Variants in FCSK observed in about 807,000 individuals in gnomAD.
FCSK encodes L-fucose kinase.
A neutral mutation model predicts 122.5 loss-of-function variants in FCSK; 123 were observed. The observed-to-expected ratio is 1.00, with a 90% CI of 0.87 to 1.17. The LOEUF (loss-of-function observed/expected upper bound fraction) is 1.17, where lower values mean the gene tolerates loss of function less well. Among genes scored for constraint, FCSK ranks in the 50% most tolerant of loss-of-function variants. FCSK has a pLI of 0.00. For missense variants in FCSK, 1,366 were observed against 1,450.4 expected, an observed-to-expected ratio of 0.94 and a Z score of 0.95; for synonymous variants, 620 against 625.5, an observed-to-expected ratio of 0.99 and a Z score of 0.13.
intron 1 of FCSK, among the ~76,000 whole-genome samples, chr16:70,457,682 C>T (rs893268275): frequency 6.6e-6 from 1 of 152,032 alleles, no homozygotes; most frequent in African/African-American, 2.4e-5. Context: ...TGAAACAATG[C>T]TTCCGCCTCA....
chr16:70,455,400 G>C (rs774362287), intron 1 of FCSK, among the ~76,000 whole-genome samples: 1 of 150,122 alleles, frequency 6.7e-6, no homozygotes, highest in Non-Finnish European at 1.5e-5. Context: ...CGAGGGAATC[G>C]CTTGAACTCA....
Position 70,473,138 on chromosome 16 carries a change from C to T in FCSK, c.1562C>T (p.Ala521Val), listed in dbSNP as rs1168503640. 6.4e-7 allele frequency: 1 copy of T among 1,560,516 alleles called. No homozygotes were observed. The highest frequency in any genetic ancestry group is 8.7e-7 in the Non-Finnish European group (1 of 1,154,822). ...GAGGATGGGGGCGAGGCCCTGCGAGCCTGGCGGGCCTCCTGGCGCCTGTCC... is the reference window on the plus strand; with the variant it reads ...GAGGATGGGGGCGAGGCCCTGCGAGTCTGGCGGGCCTCCTGGCGCCTGTCC... ...HQEDGGEALR[A>V]WRASWRLSWE... The change falls in exon 15 of 24, where the codon GCC becomes GTC. Residue 521 changes from alanine to valine, a missense_variant. Physicochemically the swap from Ala to Val is moderately conservative, Grantham distance 64. Coordinates refer to ENST00000288078, the MANE Select transcript of FCSK (RefSeq NM_145059.3). The surrounding 1 kb of genome is among the most constrained non-coding windows in gnomAD (Gnocchi z 4.9).
At chr16:70,457,539 G>C (rs996474871) in intron 1 of FCSK, among the ~76,000 whole-genome samples, 3 of 152,056 alleles carry the variant, frequency 2.0e-5, no homozygotes, top group African/African-American at 7.2e-5. Flanking sequence ...CCGGATGTGA[G>C]CTACCACATC....
Position 70,469,310 on chromosome 16 carries a change from GC to G in FCSK, c.946del (p.Thr317ProfsTer13). 6.2e-7 allele frequency: 1 copy of G among 1,600,226 alleles called. No individual in the cohort carries two copies. The highest frequency in any genetic ancestry group is 8.5e-7 in the Non-Finnish European group (1 of 1,174,828). On this transcript the variant is annotated frameshift_variant, in exon 10 of 24. Transcript: ENST00000288078. LOFTEE classifies it high-confidence loss of function. ...AQLWRELRDQ[P>X]LTMAYVSSGS... ...AGCTGTGGAGGGAGCTTCGCGATCA[GC>G]CCCTTACCATGGGTGGGTACTGCCT...
chr16:70,465,203 A>G, intron 4 of FCSK, 27 bp downstream of exon 4: 3 of 1,589,430 alleles, frequency 1.9e-6, no homozygotes, highest in Non-Finnish European at 2.6e-6. Context: ...GCAGGGGCCA[A>G]GCAGAAGGCC....
chr16:70,464,536 C>T (rs1218410952), intron 3 of FCSK, among the ~76,000 whole-genome samples: 2 of 151,982 alleles, frequency 1.3e-5, no homozygotes, highest in Non-Finnish European at 2.9e-5. Flanking sequence ...CCTGTAATCC[C>T]AGCTACTCGG....
intron 5 of FCSK, 55 bp from the exon 6 acceptor site, chr16:70,466,827 G>A (rs1018603279): frequency 4.7e-6 from 7 of 1,500,076 alleles, no homozygotes; most frequent in East Asian, 4.5e-5. Context: ...CAAGGAGGGG[G>A]CAGGTGAAGG....
chr16:70,478,030 T>C, intron 20 of FCSK: 1 of 541,220 alleles, frequency 1.8e-6, no homozygotes, highest in Admixed American at 3.3e-5. Flanking sequence ...CAATTCCAAT[T>C]ATACATTAGG....
At chr16:70,466,370 G>T in intron 5 of FCSK, 113 bp downstream of exon 5, 3 of 1,365,868 alleles carry the variant, frequency 2.2e-6, no homozygotes, top group East Asian at 2.5e-5. Context: ...ATGGTTTTGA[G>T]GGTGCCTAAT....
chr16:70,466,761 G>A (rs542524827), intron 5 of FCSK, 121 bp from the exon 6 acceptor site: 3 of 778,718 alleles, frequency 3.9e-6, no homozygotes, highest in Middle Eastern at 3.8e-4. Flanking sequence ...GAGAGTGGGT[G>A]GGGGCAGACC....
Position 70,473,349 on chromosome 16 carries a change from C to A in FCSK, c.1773C>A (p.Asp591Glu). Residue 591 changes from aspartate (D) to glutamate (E), a missense_variant, in exon 15 of 24, where the codon GAC becomes GAA. By Grantham distance (45) the Asp-to-Glu change is conservative. Coordinates refer to ENST00000288078, the MANE Select transcript of FCSK (RefSeq NM_145059.3). This position sits in a 1 kb window ranked among gnomAD's most constrained non-coding sequence, Gnocchi z 4.9. ...GCPGPLLATL[D>E]QVAAGAGDPG... ...CCGGGCCCCTGCTGGCCACGCTGGA[C>A]CAGGGTGAGTGTGCAGGCTGGTAGT... 6.7e-7 allele frequency: 1 copy of A among 1,499,556 alleles called. No individual in the cohort carries two copies. The highest frequency in any genetic ancestry group is 1.3e-5 in the South Asian group (1 of 78,208). The allele number at this position is 1,499,556 out of a possible 1,614,324, so 92.9% of individuals were successfully genotyped here. A position where few individuals can be genotyped will look rare whatever the true frequency, so the allele number is the denominator to read the frequency against.
rs548517827 is a variant in FCSK, at chr16:70,467,975, G to A, written c.663+9G>A. On this transcript the variant is annotated intron_variant, in intron 8 of 23. Coordinates refer to ENST00000288078, the MANE Select transcript of FCSK (RefSeq NM_145059.3). ...ATGGGCGGGTGCCACTGGTATGGCT[G>A]CTGGGCCCAGGTTGCGGGGCTTTGG... The A allele has an allele frequency of 4.8e-5, 77 of 1,611,880 alleles. 1 individual carries two copies. Among genetic ancestry groups the A allele is most frequent in the Non-Finnish European group, 1.1e-5 (13 of 1,177,944 alleles).
At chr16:70,466,823 G>T in intron 5 of FCSK, 59 bp from the exon 6 acceptor site, 1 of 1,481,998 alleles carries the variant, frequency 6.7e-7, no homozygotes. Flanking sequence ...TGGGCAAGGA[G>T]GGGGCAGGTG....
Position 70,473,234 on chromosome 16 carries a change from A to G in FCSK, c.1658A>G (p.Gln553Arg). The part of the protein sequence containing the change: ...LASRRDLFFR[Q>R]ALHKARHVLE... ...TCTCGCCGGGACCTGTTCTTCCGCCAGGCCCTGCATAAGGCGCGGCACGTG... is the reference window on the plus strand; with the variant it reads ...TCTCGCCGGGACCTGTTCTTCCGCCGGGCCCTGCATAAGGCGCGGCACGTG... Residue 553 changes from glutamine to arginine, a missense_variant, in exon 15 of 24, where the codon CAG (glutamine) becomes CGG (arginine). By Grantham distance (43) the Gln-to-Arg change is conservative (BLOSUM62 1). Coordinates refer to ENST00000288078, the MANE Select transcript of FCSK (RefSeq NM_145059.3). This position sits in a 1 kb window ranked among gnomAD's most constrained non-coding sequence, Gnocchi z 4.9. 6.5e-7 allele frequency: 1 copy of G among 1,535,444 alleles called. No homozygotes were observed.
rs2048946629 is a variant in FCSK, at chr16:70,479,969, A to G, written c.*289A>G. ...CTATGGCTGGCCTTCTCATTCCACA[A>G]GGGCCCTGGAAAGGGTTGACAGCCA... On this transcript the variant is annotated 3_prime_UTR_variant, in exon 24 of 24. Transcript: ENST00000288078. The G allele has an allele frequency of 1.1e-5, 3 of 282,746 alleles. No individual in the cohort carries two copies. Among genetic ancestry groups the G allele is most frequent in the Admixed American group, 9.4e-5 (2 of 21,378 alleles). 17.5% of individuals were successfully genotyped at this position (282,746 alleles called of 1,614,324 possible).
At chr16:70,465,236 A>G in intron 4 of FCSK, 60 bp downstream of exon 4, 1 of 1,524,884 alleles carries the variant, frequency 6.6e-7, no homozygotes, top group Non-Finnish European at 9.0e-7. Context: ...CGTGGAGTTG[A>G]GCAGGACTTC....
intron 6 of FCSK, 174 bp downstream of exon 6, chr16:70,467,128 C>A: frequency 1.4e-6 from 1 of 692,924 alleles, no homozygotes; most frequent in Non-Finnish European, 2.5e-6. Context: ...TGCTGTGCCT[C>A]AGTCTGTCTG....
chr16:70,470,450 T>A, intron 11 of FCSK, 24 bp downstream of exon 11: 1 of 1,438,922 alleles, frequency 6.9e-7, no homozygotes. Flanking sequence ...GCCCCTCCGG[T>A]GCCTGCTGGT....
In FCSK at chr16:70,473,112, G is replaced by A; in HGVS notation, c.1536G>A (p.Gln512=). 3.8e-6 allele frequency: 6 copies of A among 1,583,452 alleles called. No individual in the cohort carries two copies. The highest frequency in any genetic ancestry group is 5.1e-6 in the Non-Finnish European group (6 of 1,165,924). Residue 512 remains glutamine (Q), a synonymous_variant, in exon 15 of 24, where the codon CAG becomes CAA. Coordinates refer to ENST00000288078, the MANE Select transcript of FCSK (RefSeq NM_145059.3). The surrounding 1 kb of genome is among the most constrained non-coding windows in gnomAD (Gnocchi z 4.9). ...ACCTGCTGTGGATGCTGGACCACCA[G>A]GAGGATGGGGGCGAGGCCCTGCGAG... The part of the protein sequence containing the change: ...PQDLLWMLDH[Q]EDGGEALRAW...
Sources: allele counts gnomAD v4.1 joint callset (sites outside exome capture counted in the v4.1 genomes callset), GRCh38; gene constraint gnomAD v4.1.1; non-coding constraint Gnocchi (gnomAD v3.1); transcripts MANE v1.5; gene names NCBI Gene and HGNC (gene_info 2026-07-23, HGNC 2026-07-21).